The following ALMS1 variants were observed in gnomAD, a reference collection of about 807,000 sequenced individuals.
ALMS1 encodes the protein centrosome-associated protein ALMS1.
A neutral mutation model predicts 352.2 loss-of-function variants in ALMS1; 271 were observed. That is an observed-to-expected ratio of 0.77 (90% CI 0.70 to 0.85). The LOEUF is 0.85. ALMS1 is among the 40% of genes least tolerant of loss of function. The pLI is 0.00. For synonymous variants in ALMS1, 1,865 were observed against 1,761.2 expected (o/e 1.06, Z -1.48); for missense variants, 5,445 against 4,870.7 (o/e 1.12, Z -3.51).
intron 13 of ALMS1, among the ~76,000 whole-genome samples, chr2:73,556,226 A>T (rs1674539545): frequency 6.6e-6 from 1 of 152,214 alleles, no homozygotes; most frequent in South Asian, 2.1e-4. Flanking sequence ...TTCAGAAGAC[A>T]TTTAGAGAAA....
In ALMS1 at chr2:73,501,101, G is replaced by A. The variant is rs1558671041; in HGVS notation, c.9539+9603G>A. Reference sequence around the variant, plus strand: ...TTTCCATGATGACTAATGATGCTGAGCATCTTTTCTGTGTCTCTTGCCCAT... The same window carrying A: ...TTTCCATGATGACTAATGATGCTGAACATCTTTTCTGTGTCTCTTGCCCAT... On this transcript the variant is annotated intron_variant, in intron 10 of 22. Coordinates refer to ENST00000613296, the MANE Select transcript of ALMS1 (RefSeq NM_001378454.1). 2.0e-5 allele frequency among the ~76,000 whole-genome samples: 3 copies of A among 152,192 alleles called. No individual in the cohort carries two copies. In the East Asian group the frequency reaches 5.8e-4, roughly 29 times the overall value.
At chr2:73,541,051 C>A (rs1248251839) in intron 12 of ALMS1, among the ~76,000 whole-genome samples, 1 of 152,208 alleles carries the variant, frequency 6.6e-6, no homozygotes, top group Admixed American at 6.5e-5. Flanking sequence ...CTCTCCACCC[C>A]AAATCAACAG....
chr2:73,598,405 T>C (rs1287933962), intron 16 of ALMS1, among the ~76,000 whole-genome samples: 1 of 152,206 alleles, frequency 6.6e-6, no homozygotes, highest in East Asian at 1.9e-4. Context: ...AAATTTTACA[T>C]GTCATCAGTG....
rs1164930753 is a variant in ALMS1 at position 73,451,104 on chromosome 2, A to G, written c.4577A>G (p.His1526Arg). 5.6e-6 allele frequency: 9 copies of G among 1,613,596 alleles called. No individual in the cohort carries two copies. In the Middle Eastern group the frequency reaches 5.0e-4, roughly 89 times the overall value. ...ATAACCTCTCCTTCCTACTCACAACATAGAGCAAAGTCTGGCAGTTTCTAC... is the reference window on the plus strand; with the variant it reads ...ATAACCTCTCCTTCCTACTCACAACGTAGAGCAAAGTCTGGCAGTTTCTAC... Reference protein sequence around the residue: ...PTITSPSYSQHRAKSGSFYQL... With the variant: ...PTITSPSYSQRRAKSGSFYQL... The change falls in exon 8 of 23, where the codon CAT becomes CGT. Residue 1526 changes from histidine to arginine, a missense_variant. Physicochemically the swap from His to Arg is conservative, Grantham distance 29. Transcript: ENST00000613296.
chr2:73,558,982 T>C lies in ALMS1; in HGVS notation c.10224T>C (p.Ala3408=), dbSNP rs1464934308. The change falls in exon 15 of 23, where the codon GCT becomes GCC. Residue 3408 remains alanine (A), a synonymous_variant. Coordinates refer to ENST00000613296, the MANE Select transcript of ALMS1 (RefSeq NM_001378454.1). The part of the protein sequence containing the change: ...SLQKDTADSS[A]AAAAEHSAQV... ...ATTTCCCTTTCGTAGATTCCAGTGC[T>C]GCTGCTGCTGCAGAGCACTCAGCTC... The C allele has an allele frequency of 2.2e-5, 36 of 1,613,904 alleles. No individual in the cohort carries two copies. Among genetic ancestry groups the C allele is most frequent in the Non-Finnish European group, 3.0e-5 (35 of 1,179,930 alleles).
chr2:73,584,930 C>T (rs1675274650), intron 16 of ALMS1, among the ~76,000 whole-genome samples: 1 of 152,202 alleles, frequency 6.6e-6, no homozygotes. Flanking sequence ...TGGTCTCCAA[C>T]TCCACATTGC....
At chr2:73,498,671 T>A (rs1168943237) in intron 10 of ALMS1, among the ~76,000 whole-genome samples, 3 of 152,210 alleles carry the variant, frequency 2.0e-5, no homozygotes, top group African/African-American at 7.2e-5. Context: ...ATGCAGTGTT[T>A]GTCTTTTTAT....
chr2:73,391,294 C>CTTT (rs397972016), intron 1 of ALMS1, among the ~76,000 whole-genome samples: 3 of 114,990 alleles, frequency 2.6e-5, no homozygotes, highest in Non-Finnish European at 5.0e-5. Context: ...ACGTTTTATT[C>CTTT]TTTTTTTTTT....
chr2:73,447,316 CTG>C (rs1671827564), intron 7 of ALMS1, among the ~76,000 whole-genome samples: 1 of 152,136 alleles, frequency 6.6e-6, no homozygotes, highest in South Asian at 2.1e-4. Flanking sequence ...AACTTTAAAA[CTG>C]TAAACAACTT....
rs1339477380 is a variant in ALMS1, at chr2:73,448,763, A to G, written c.2236A>G (p.Thr746Ala). 6 of 1,613,384 alleles carry G rather than the reference A, an allele frequency of 3.7e-6. No homozygotes were observed. Among genetic ancestry groups the G allele is most frequent in the Non-Finnish European group, 5.1e-6 (6 of 1,179,760 alleles). The stretch of plus-strand genomic sequence containing the variant: ...AGAGACTCTTACTAAAGTTTCAGCC[A>G]CTCCTGGACCAGCTGACCAGAAGAC... ...TEETLTKVSA[T>A]PGPADQKTEI... The change falls in exon 8 of 23, where the codon ACT becomes GCT. Residue 746 changes from threonine (T) to alanine (A), a missense_variant. By Grantham distance (58) the Thr-to-Ala change is moderately conservative (BLOSUM62 0). Transcript: ENST00000613296.
chr2:73,480,623 T>G (rs1159841992), intron 9 of ALMS1, among the ~76,000 whole-genome samples: 1 of 151,628 alleles, frequency 6.6e-6, no homozygotes, highest in Non-Finnish European at 1.5e-5. Context: ...ATGGTATTTC[T>G]AGTTCTAGAT....
In ALMS1 at chr2:73,451,282, T is replaced by C; in HGVS notation, c.4755T>C (p.Phe1585=). 2 of 1,613,498 alleles carry C rather than the reference T, an allele frequency of 1.2e-6. No individual in the cohort carries two copies. The highest frequency in any genetic ancestry group is 1.1e-5 in the South Asian group (1 of 91,046). ...CGATTGTTAACTACAAACAGGCCTT[T>C]CCAGATGGTCATCTACCTGAAGAGG... The part of the protein sequence containing the change: ...EKPIVNYKQA[F]PDGHLPEEAL... Residue 1585 remains phenylalanine (F), a synonymous_variant, in exon 8 of 23, where the codon TTT becomes TTC. Transcript: ENST00000613296.
intron 16 of ALMS1, among the ~76,000 whole-genome samples, chr2:73,574,411 A>G (rs1668660673): frequency 6.6e-6 from 1 of 152,206 alleles, no homozygotes; most frequent in African/African-American, 2.4e-5. Flanking sequence ...CATTTTCCCC[A>G]ACTTTTTAAA....
chr2:73,506,416 T>C (rs71488971), intron 10 of ALMS1, among the ~76,000 whole-genome samples: 2 of 152,232 alleles, frequency 1.3e-5, no homozygotes, highest in Non-Finnish European at 2.9e-5. Flanking sequence ...TTCCTATCCA[T>C]GAGCATGGAA....
Position 73,557,445 on chromosome 2 carries a change from T to A in ALMS1, c.10213+91T>A, listed in dbSNP as rs1674570914. On this transcript the variant is annotated intron_variant, in intron 14 of 22. Coordinates refer to ENST00000613296, the MANE Select transcript of ALMS1 (RefSeq NM_001378454.1). The stretch of plus-strand genomic sequence containing the variant: ...AGAACAGAAACAGAAATATATTCTC[T>A]ATTTTCTTCTTGCTGTCTTCAGCTC... The A allele has an allele frequency of 3.0e-5, 46 of 1,534,408 alleles. No individual in the cohort carries two copies. The South Asian group carries it at 5.2e-4, about 17-fold the overall frequency.
At position 73,491,287 on chromosome 2, in the gene ALMS1, G is replaced by A; in HGVS notation, c.9328G>A (p.Asp3110Asn). Reference sequence around the variant, plus strand: ...ATTGACCAGTAAACCTGTAGCACAGGATCAAGAATCTTTAGGTTTTCTAGG... The same window carrying A: ...ATTGACCAGTAAACCTGTAGCACAGAATCAAGAATCTTTAGGTTTTCTAGG... ...KLLTSKPVAQ[D>N]QESLGFLGPK... The change falls in exon 10 of 23, where the codon GAT (aspartate) becomes AAT (asparagine). Residue 3110 changes from aspartate to asparagine, a missense_variant. By Grantham distance (23) the Asp-to-Asn change is conservative. Transcript: ENST00000613296. The A allele has an allele frequency of 6.2e-7, 1 of 1,614,138 alleles. No homozygotes were observed.
Position 73,517,246 on chromosome 2 carries a change from C to CTTT in ALMS1, c.9540-2514_9540-2512dup, listed in dbSNP as rs770879267. ...CAAGTGATTTTTTGAAAGTTTTAGT[C>CTTT]TTTTTTTTTTTTTTTTTCTTATAGA... On this transcript the variant is annotated intron_variant, in intron 10 of 22. Transcript: ENST00000613296. Among the ~76,000 whole-genome samples the CTTT allele has an allele frequency of 8.0e-4, 84 of 104,972 alleles. 4 individuals are homozygous for CTTT. The highest frequency in any genetic ancestry group is 3.0e-3 in the African/African-American group (64 of 21,256). The allele number at this position is 104,972 out of a possible 152,430, so 68.9% of individuals were successfully genotyped here.
intron 9 of ALMS1, chr2:73,456,792 G>C (rs1303216981): frequency 1.3e-5 from 2 of 152,202 alleles, no homozygotes; most frequent in Admixed American, 1.3e-4. Context: ...AGCACCATTT[G>C]TATATATGCT....
At chr2:73,501,196 A>T (rs1294854286) in intron 10 of ALMS1, among the ~76,000 whole-genome samples, 1 of 152,096 alleles carries the variant, frequency 6.6e-6, no homozygotes, top group East Asian at 1.9e-4. Context: ...GTATTATAGG[A>T]ATTTTTATAA....
Sources: allele counts gnomAD v4.1 joint callset (sites outside exome capture counted in the v4.1 genomes callset), GRCh38; gene constraint gnomAD v4.1.1; transcripts MANE v1.5; gene names NCBI Gene and HGNC (gene_info 2026-07-23, HGNC 2026-07-21).